GFRA1: variants seen among roughly 807,000 people sequenced by gnomAD.
GFRA1 encodes the protein GDNF family receptor alpha 1.
GFRA1 carries 16 observed loss-of-function variants against 51.6 expected under a neutral mutation model. That is an observed-to-expected ratio of 0.31 (90% CI 0.21 to 0.47). The LOEUF (loss-of-function observed/expected upper bound fraction) is 0.47. Among genes scored for constraint, GFRA1 ranks in the 20% least tolerant of loss-of-function variants. The pLI is 1.00. For missense variants in GFRA1, 530 were observed against 594.3 expected, an observed-to-expected ratio of 0.89 and a Z score of 1.13; for synonymous variants, 270 against 241.3, an observed-to-expected ratio of 1.12 and a Z score of -1.10.
At chr10:116,258,074 C>T (rs1255789262) in intron 4 of GFRA1, among the ~76,000 whole-genome samples, 1 of 152,108 alleles carries the variant, frequency 6.6e-6, no homozygotes, top group African/African-American at 2.4e-5. Flanking sequence ...ACCATAGGGC[C>T]GTATGTGAGC....
chr10:116,081,178 AG>A, intron 9 of GFRA1, among the ~76,000 whole-genome samples: 1 of 152,318 alleles, frequency 6.6e-6, no homozygotes, highest in East Asian at 1.9e-4. Flanking sequence ...CTAGTTGGTC[AG>A]AAGTGCAGGT....
rs769062373 is a variant in GFRA1, at chr10:116,057,243, A to C, written c.*7155T>G. Reference sequence around the variant, plus strand: ...AATGTGTCATCTTCTACCAGTGGGAAGCTCAGTAAACACACAATATAACAT... The same window carrying C: ...AATGTGTCATCTTCTACCAGTGGGACGCTCAGTAAACACACAATATAACAT... On this transcript the variant is annotated 3_prime_UTR_variant, in exon 11 of 11. Coordinates refer to ENST00000355422, the MANE Select transcript of GFRA1 (RefSeq NM_005264.8). 6.6e-6 allele frequency: 1 copy of C among 152,192 alleles called. No homozygotes were observed. The highest frequency in any genetic ancestry group is 2.4e-5 in the African/African-American group (1 of 41,438). The allele number at this position is 152,192 out of a possible 1,614,324, so 9.4% of individuals were successfully genotyped here.
intron 4 of GFRA1, among the ~76,000 whole-genome samples, chr10:116,236,630 G>A (rs1966888486): frequency 6.6e-6 from 1 of 152,202 alleles, no homozygotes; most frequent in Non-Finnish European, 1.5e-5. Context: ...TCTCTCATAT[G>A]AGGGAAGGGG....
intron 9 of GFRA1, among the ~76,000 whole-genome samples, chr10:116,089,361 T>C (rs1328378321): frequency 6.6e-6 from 1 of 152,192 alleles, no homozygotes; most frequent in African/African-American, 2.4e-5. Flanking sequence ...AGAGCTCCTT[T>C]CCTTTCATTA....
intron 5 of GFRA1, among the ~76,000 whole-genome samples, chr10:116,194,922 T>C (rs1384484951): frequency 3.3e-5 from 5 of 152,216 alleles, no homozygotes; most frequent in African/African-American, 1.2e-4. Flanking sequence ...TTCCCTGGCA[T>C]TTTCTGTAAA....
intron 4 of GFRA1, chr10:116,226,834 G>T (rs1381169046): frequency 2.8e-6 from 1 of 352,118 alleles, no homozygotes; most frequent in Non-Finnish European, 5.7e-6. Context: ...AGATCATCAG[G>T]TATTAGATTC....
At chr10:116,107,923 C>A (rs1214346788) in intron 6 of GFRA1, among the ~76,000 whole-genome samples, 1 of 152,166 alleles carries the variant, frequency 6.6e-6, no homozygotes, top group Admixed American at 6.5e-5. Context: ...ATTTGTGAAA[C>A]CCCCTACTTT....
At chr10:116,192,131 A>G (rs1207065842) in intron 5 of GFRA1, among the ~76,000 whole-genome samples, 1 of 152,174 alleles carries the variant, frequency 6.6e-6, no homozygotes, top group Admixed American at 6.5e-5. Flanking sequence ...AAGTAATTTA[A>G]TTTCTTAGTG....
rs113141999 is a variant in GFRA1, at chr10:116,116,395, C to T, written c.770+8826G>A. 8.6e-3 allele frequency among the ~76,000 whole-genome samples: 1,314 copies of T among 152,352 alleles called. 13 individuals carry two copies. The highest frequency in any genetic ancestry group is 0.014 in the Non-Finnish European group (972 of 68,040). On this transcript the variant is annotated intron_variant, in intron 6 of 10. Coordinates refer to ENST00000355422, the MANE Select transcript of GFRA1 (RefSeq NM_005264.8). ...TTATTTAGAGCTGGTTGTTGCTCTG[C>T]GACAGCAAAGAATTCATCTGCTCTG...
intron 5 of GFRA1, among the ~76,000 whole-genome samples, chr10:116,186,238 G>T (rs1290412952): frequency 6.6e-6 from 1 of 152,160 alleles, no homozygotes; most frequent in East Asian, 1.9e-4. Context: ...GCTTCTGAGG[G>T]TTCATGTGGT....
At chr10:116,148,081 TGTGTGTGCATGC>T (rs1160568827) in intron 5 of GFRA1, among the ~76,000 whole-genome samples, 456 of 33,378 alleles carry the variant, frequency 0.014, 3 homozygotes, top group Non-Finnish European at 0.024. Flanking sequence ...TGTGCATGTG[TGTGTGTGCATGC>T]GTGTGTGCAT....
intron 4 of GFRA1, chr10:116,226,855 C>T: frequency 1.7e-5 from 5 of 290,422 alleles, no homozygotes; most frequent in East Asian, 8.7e-5. Flanking sequence ...TCATAAGGAG[C>T]ACGCAACATA....
rs1565539633 is a variant in GFRA1, at chr10:116,058,030, GTGTGT to G, written c.*6363_*6367del. 3 of 137,670 alleles carry G rather than the reference GTGTGT, an allele frequency of 2.2e-5. No individual in the cohort carries two copies. Among genetic ancestry groups the G allele is most frequent in the African/African-American group, 9.3e-5 (3 of 32,388 alleles). 8.5% of individuals were successfully genotyped at this position (137,670 alleles called of 1,614,324 possible). ...TGTGTGTGTGTGTGTGTGTGTGTGTGTGTGTGTGTGTGACAGAGAGAACCACGCTT... is the reference window on the plus strand; with the variant it reads ...TGTGTGTGTGTGTGTGTGTGTGTGTGGTGTGTGACAGAGAGAACCACGCTT... On this transcript the variant is annotated 3_prime_UTR_variant, in exon 11 of 11. Coordinates refer to ENST00000355422, the MANE Select transcript of GFRA1 (RefSeq NM_005264.8).
intron 6 of GFRA1, among the ~76,000 whole-genome samples, chr10:116,104,378 C>T (rs1003257175): frequency 7.2e-5 from 11 of 152,228 alleles, no homozygotes; most frequent in Non-Finnish European, 1.5e-4. Flanking sequence ...GCTCCTCTGG[C>T]TCCTTGGCAG....
chr10:116,136,935 G>A (rs556246854), intron 5 of GFRA1, among the ~76,000 whole-genome samples: 5 of 152,306 alleles, frequency 3.3e-5, no homozygotes, highest in African/African-American at 9.6e-5. Flanking sequence ...TGACTGAGAC[G>A]TCAGCTCTGA....
At chr10:116,065,948 T>G (rs1415068807) in intron 9 of GFRA1, among the ~76,000 whole-genome samples, 1 of 152,218 alleles carries the variant, frequency 6.6e-6, no homozygotes, top group African/African-American at 2.4e-5. Flanking sequence ...CAATTCAGAC[T>G]TACCCCATTT....
At chr10:116,125,136 A>T in intron 6 of GFRA1, 85 bp downstream of exon 6, 1 of 1,186,454 alleles carries the variant, frequency 8.4e-7, no homozygotes. Context: ...TGGTAGAAGC[A>T]CAGAAAAGGG....
At chr10:116,173,776 C>T (rs887248742) in intron 5 of GFRA1, among the ~76,000 whole-genome samples, 5 of 151,912 alleles carry the variant, frequency 3.3e-5, no homozygotes, top group South Asian at 2.1e-4. Context: ...TTTTTTTCCC[C>T]GGTTAAAAAA....
chr10:116,269,421 T>C (rs1969919211), intron 4 of GFRA1, 82 bp downstream of exon 4: 9 of 819,314 alleles, frequency 1.1e-5, no homozygotes, highest in African/African-American at 3.3e-5. Flanking sequence ...TCTACTTATA[T>C]GCTCTTTGAG....
Sources: allele counts gnomAD v4.1 joint callset (sites outside exome capture counted in the v4.1 genomes callset), GRCh38; gene constraint gnomAD v4.1.1; transcripts MANE v1.5; gene names NCBI Gene and HGNC (gene_info 2026-07-23, HGNC 2026-07-21).